CSTPP1: variants seen among roughly 807,000 people sequenced by gnomAD.
CSTPP1 encodes the protein UPF0705 protein C11orf49.
At chr11:46,941,985 G>C in the CSTPP1 span, among the ~76,000 whole-genome samples, 1 of 151,952 alleles carries the variant, frequency 6.6e-6, no homozygotes, top group Non-Finnish European at 1.5e-5. Flanking sequence ...TGCTAGCTAG[G>C]GATTGTATTT....
chr11:47,137,352 T>C, the CSTPP1 span: 1 of 1,439,840 alleles, frequency 6.9e-7, no homozygotes. Context: ...TAAAGAAGAC[T>C]GATGAAGGTG....
the CSTPP1 span, among the ~76,000 whole-genome samples, chr11:47,091,151 G>A: frequency 1.3e-5 from 2 of 151,094 alleles, no homozygotes; most frequent in African/African-American, 2.4e-5. Flanking sequence ...CAGCACTTTG[G>A]GAGGCCAAGG....
chr11:47,078,269 G>T, the CSTPP1 span, among the ~76,000 whole-genome samples: 1 of 152,314 alleles, frequency 6.6e-6, no homozygotes, highest in East Asian at 1.9e-4. Flanking sequence ...GGGGTGAAAT[G>T]AGTTATAACT....
chr11:47,162,019 C>T, the CSTPP1 span: 9 of 1,010,472 alleles, frequency 8.9e-6, no homozygotes, highest in South Asian at 2.6e-4. Context: ...AGGGGGAGAA[C>T]CCGAATAGCC....
chr11:47,098,507 CTT>C, the CSTPP1 span, among the ~76,000 whole-genome samples: 32 of 137,398 alleles, frequency 2.3e-4, no homozygotes, highest in East Asian at 1.1e-3. Flanking sequence ...TTTCTTTTTT[CTT>C]TTTTTTTTTT....
At chr11:47,153,197 G>A in the CSTPP1 span, among the ~76,000 whole-genome samples, 1 of 152,106 alleles carries the variant, frequency 6.6e-6, no homozygotes, top group Admixed American at 6.6e-5. Flanking sequence ...GTTTTCCTTG[G>A]GTTATGAGAT....
the CSTPP1 span, chr11:47,137,180 C>A: frequency 1.1e-6 from 1 of 910,642 alleles, no homozygotes; most frequent in Non-Finnish European, 1.5e-6. Context: ...ACTCTTCTCC[C>A]TACACAGCAA....
the CSTPP1 span, among the ~76,000 whole-genome samples, chr11:47,008,732 T>C: frequency 6.6e-6 from 1 of 152,020 alleles, no homozygotes; most frequent in Non-Finnish European, 1.5e-5. Context: ...CAAATTCCAG[T>C]TAGAGGTTAG....
At chr11:47,005,240 A>G in the CSTPP1 span, among the ~76,000 whole-genome samples, 1 of 152,208 alleles carries the variant, frequency 6.6e-6, no homozygotes, top group Non-Finnish European at 1.5e-5. Context: ...ATCTTAGACC[A>G]TGTAAGCCTG....
At chr11:47,114,499 T>C in the CSTPP1 span, among the ~76,000 whole-genome samples, 2 of 152,238 alleles carry the variant, frequency 1.3e-5, no homozygotes, top group African/African-American at 4.8e-5. Context: ...TGTCCTCTTT[T>C]ATTTCGTTGA....
the CSTPP1 span, among the ~76,000 whole-genome samples, chr11:47,093,204 T>A: frequency 6.6e-6 from 1 of 152,158 alleles, no homozygotes; most frequent in African/African-American, 2.4e-5. Flanking sequence ...TAAATATAAA[T>A]AAGAATTGAG....
chr11:47,036,034 GAT>G, the CSTPP1 span, among the ~76,000 whole-genome samples: 576 of 25,362 alleles, frequency 0.023, 137 homozygotes, highest in Middle Eastern at 0.17. Context: ...GGAGTGAAAA[GAT>G]ATATATATAT....
the CSTPP1 span, among the ~76,000 whole-genome samples, chr11:46,971,625 G>A: frequency 2.6e-5 from 4 of 152,144 alleles, no homozygotes; most frequent in Non-Finnish European, 5.9e-5. Context: ...TTAAAATGCA[G>A]TAATACATTG....
chr11:47,098,866 G>A, the CSTPP1 span, among the ~76,000 whole-genome samples: 1 of 152,008 alleles, frequency 6.6e-6, no homozygotes, highest in Non-Finnish European at 1.5e-5. Flanking sequence ...AATATAGTAT[G>A]GCAGCACCTA....
the CSTPP1 span, among the ~76,000 whole-genome samples, chr11:47,108,561 A>G: frequency 6.6e-6 from 1 of 152,124 alleles, no homozygotes; most frequent in East Asian, 1.9e-4. Flanking sequence ...TTGCAAACAC[A>G]TTCCATCTAG....
chr11:47,059,187 C>T, the CSTPP1 span, among the ~76,000 whole-genome samples: 1 of 152,102 alleles, frequency 6.6e-6, no homozygotes, highest in Non-Finnish European at 1.5e-5. Context: ...ACACCAGGTC[C>T]TGTTGGGGGG....
the CSTPP1 span, among the ~76,000 whole-genome samples, chr11:47,112,658 T>C: frequency 6.6e-6 from 1 of 152,158 alleles, no homozygotes; most frequent in East Asian, 1.9e-4. Context: ...TTATCTGTCT[T>C]CCCCACTGCA....
chr11:47,002,743 A>G, the CSTPP1 span, among the ~76,000 whole-genome samples: 1 of 152,182 alleles, frequency 6.6e-6, no homozygotes. Context: ...CCCCAATGAT[A>G]CTATTTCTGT....
the CSTPP1 span, among the ~76,000 whole-genome samples, chr11:46,945,930 C>T: frequency 2.0e-5 from 3 of 152,210 alleles, no homozygotes; most frequent in Non-Finnish European, 2.9e-5. Context: ...AGCAGCTTCT[C>T]AGTCATGGAA....
Sources: gnomAD v4.1 joint callset for allele counts (sites outside exome capture counted in the v4.1 genomes callset) on GRCh38, gnomAD v4.1.1 for gene constraint, MANE v1.5 for transcripts, NCBI Gene and HGNC (gene_info 2026-07-23, HGNC 2026-07-21) for gene names.